The following NLGN1 variants were observed in gnomAD, a reference collection of about 807,000 sequenced individuals.
The protein encoded by NLGN1 is neuroligin-1.
Under a neutral mutation model 65.5 loss-of-function variants are expected in NLGN1, and 12 were observed. The ratio of observed to expected loss-of-function variants is 0.18; its 90% CI spans 0.12 to 0.30. NLGN1 has a LOEUF of 0.30. Among genes scored for constraint, NLGN1 ranks in the 10% least tolerant of loss-of-function variants. The pLI is 1.00. For synonymous variants in NLGN1, 350 were observed against 359.5 expected (o/e 0.97, Z 0.30); for missense variants, 750 against 1,007.1 (o/e 0.74, Z 3.46).
chr3:174,280,887 C>A lies in NLGN1; in HGVS notation c.2056C>A (p.Leu686Met). ...TGTCACTATTGCAGTTGGAGCATCACTGCTGTTTCTGAACATCTTGGCCTT... is the reference window on the plus strand; with the variant it reads ...TGTCACTATTGCAGTTGGAGCATCAATGCTGTTTCTGAACATCTTGGCCTT... The change falls in exon 7 of 7, where the codon CTG becomes ATG. Residue 686 changes from leucine (L) to methionine (M), a missense_variant. Transcript: ENST00000457714. The surrounding 1 kb of genome is among the most constrained non-coding windows in gnomAD (Gnocchi z 4.9). The A allele has an allele frequency of 6.2e-7, 1 of 1,613,398 alleles. No homozygotes were observed. The highest frequency in any genetic ancestry group is 8.5e-7 in the Non-Finnish European group (1 of 1,179,624).
intron 3 of NLGN1, 63 bp from the exon 3 acceptor site, chr3:173,605,471 G>A: frequency 1.2e-6 from 1 of 837,198 alleles, no homozygotes; most frequent in South Asian, 1.4e-5. Context: ...TAGTGGTGTT[G>A]CATGTTCCGG....
intron 1 of NLGN1, among the ~76,000 whole-genome samples, chr3:173,433,073 T>A (rs1717479087): frequency 6.6e-6 from 1 of 152,218 alleles, no homozygotes; most frequent in Non-Finnish European, 1.5e-5. Flanking sequence ...TCCCTTTTCA[T>A]ATTTGCAACA....
At chr3:174,286,695 C>T (rs1478683673), downstream of NLGN1, 1 of 151,540 alleles carries the variant, frequency 6.6e-6, no homozygotes, top group Non-Finnish European at 1.5e-5. Flanking sequence ...CTATTTGTCT[C>T]ACACAAAAAG....
intron 4 of NLGN1, among the ~76,000 whole-genome samples, chr3:173,911,866 C>T (rs1739671161): frequency 6.6e-6 from 1 of 152,136 alleles, no homozygotes; most frequent in South Asian, 2.1e-4. Context: ...CACAAAGACC[C>T]CTTATTTATT....
intron 4 of NLGN1, among the ~76,000 whole-genome samples, chr3:173,890,841 GTGGCA>G (rs1475627944): frequency 2.6e-5 from 4 of 152,128 alleles, no homozygotes; most frequent in African/African-American, 9.7e-5. Context: ...TGGAATCTAT[GTGGCA>G]TGGCAATTCT....
chr3:173,978,834 TAAAAAAAA>T (rs34496124), intron 4 of NLGN1, among the ~76,000 whole-genome samples: 24 of 111,268 alleles, frequency 2.2e-4, no homozygotes, highest in African/African-American at 5.1e-4. Context: ...CTTCTCTAAT[TAAAAAAAA>T]AAAAAAAAAA....
intron 4 of NLGN1, among the ~76,000 whole-genome samples, chr3:174,192,638 G>C (rs1732610104): frequency 6.6e-6 from 1 of 152,134 alleles, no homozygotes; most frequent in Non-Finnish European, 1.5e-5. Context: ...TGCTTAGTTT[G>C]TGTGCGTGTT....
chr3:174,141,612 A>G (rs146044447), intron 4 of NLGN1, among the ~76,000 whole-genome samples: 22 of 152,220 alleles, frequency 1.4e-4, no homozygotes, highest in African/African-American at 5.1e-4. Context: ...TGTAATAAAT[A>G]TCTGCTGGTG....
chr3:173,680,487 T>G (rs1247869164), intron 3 of NLGN1, among the ~76,000 whole-genome samples: 1 of 152,196 alleles, frequency 6.6e-6, no homozygotes, highest in Non-Finnish European at 1.5e-5. Flanking sequence ...ATTTGAAGTG[T>G]AGCCAGTCAT....
At chr3:173,878,718 A>G (rs933746576) in intron 4 of NLGN1, among the ~76,000 whole-genome samples, 16 of 146,030 alleles carry the variant, frequency 1.1e-4, no homozygotes, top group African/African-American at 1.5e-4. Flanking sequence ...ATAAGTGTGT[A>G]TATATATATT....
chr3:174,045,143 G>T (rs934545041), intron 4 of NLGN1, among the ~76,000 whole-genome samples: 1 of 152,064 alleles, frequency 6.6e-6, no homozygotes, highest in Non-Finnish European at 1.5e-5. Flanking sequence ...TTACAGCAAT[G>T]CCCCACTACC....
rs374329719 is a variant in NLGN1 at position 174,084,329 on chromosome 3, A to G, written c.647-190986A>G. Among the ~76,000 whole-genome samples the G allele has an allele frequency of 1.5e-4, 23 of 152,288 alleles. No homozygotes were observed. The South Asian group carries it at 3.9e-3, about 26-fold the overall frequency. ...ACAAAGTCAATCAATTTAACTAACAATAGTTATTGAAGAAGAAAATTCATT... is the reference window on the plus strand; with the variant it reads ...ACAAAGTCAATCAATTTAACTAACAGTAGTTATTGAAGAAGAAAATTCATT... On this transcript the variant is annotated intron_variant, in intron 4 of 6. Coordinates refer to ENST00000457714, the Ensembl canonical transcript of NLGN1.
intron 2 of NLGN1, among the ~76,000 whole-genome samples, chr3:173,600,200 T>C (rs55700813): frequency 0.05 from 7,220 of 145,118 alleles, 206 homozygotes; most frequent in African/African-American, 0.081. Flanking sequence ...TACATGTGTG[T>C]ACACACACAC....
chr3:174,009,221 C>T (rs1201069472), intron 4 of NLGN1, among the ~76,000 whole-genome samples: 1 of 152,166 alleles, frequency 6.6e-6, no homozygotes, highest in Non-Finnish European at 1.5e-5. Context: ...AGAGCTCCCT[C>T]ATTACATCAT....
chr3:173,850,879 G>A (rs114163923), intron 4 of NLGN1, among the ~76,000 whole-genome samples: 226 of 151,996 alleles, frequency 1.5e-3, no homozygotes, highest in African/African-American at 5.3e-3. Flanking sequence ...TGGGACCACA[G>A]ACATGATACC....
chr3:174,070,566 G>C (rs1222503115), intron 4 of NLGN1, among the ~76,000 whole-genome samples: 1 of 151,988 alleles, frequency 6.6e-6, no homozygotes, highest in Non-Finnish European at 1.5e-5. Flanking sequence ...TCCTGACCTT[G>C]TGATCTGCCC....
At chr3:173,853,819 G>A (rs559853584) in intron 4 of NLGN1, among the ~76,000 whole-genome samples, 93 of 152,028 alleles carry the variant, frequency 6.1e-4, no homozygotes, top group Middle Eastern at 3.4e-3. Flanking sequence ...TCAATGATGA[G>A]AGGTTCTCAT....
chr3:174,006,718 G>A (rs1001936305), intron 4 of NLGN1, among the ~76,000 whole-genome samples: 1 of 152,112 alleles, frequency 6.6e-6, no homozygotes, highest in African/African-American at 2.4e-5. Context: ...AAGTAATTAA[G>A]TTAAAATGAG....
chr3:174,024,141 T>TAAAAAAAAAAAAAAAA (rs34508881), intron 4 of NLGN1, among the ~76,000 whole-genome samples: 1 of 86,038 alleles, frequency 1.2e-5, no homozygotes, highest in Non-Finnish European at 2.2e-5. Flanking sequence ...AGAGTCCTAT[T>TAAAAAAAAAAAAAAAA]AAAAAAAAAA....
Sources: allele counts gnomAD v4.1 joint callset (sites outside exome capture counted in the v4.1 genomes callset), GRCh38; gene constraint gnomAD v4.1.1; non-coding constraint Gnocchi (gnomAD v3.1); transcripts MANE v1.5; gene names NCBI Gene and HGNC (gene_info 2026-07-23, HGNC 2026-07-21).